The following DLG2 variants were observed in gnomAD, a reference collection of about 807,000 sequenced individuals.
The protein encoded by DLG2 is disks large homolog 2.
DLG2 carries 45 observed loss-of-function variants against 132.5 expected under a neutral mutation model. That is an observed-to-expected ratio of 0.34 (90% CI 0.27 to 0.44). The LOEUF (loss-of-function observed/expected upper bound fraction) is 0.44, where lower values mean the gene tolerates loss of function less well. DLG2 is among the 20% of genes least tolerant of loss of function. The pLI, the probability that DLG2 is intolerant of heterozygous loss-of-function variation, is 1.00. For synonymous variants in DLG2, 424 were observed against 419.6 expected (o/e 1.01, Z -0.13); for missense variants, 1,045 against 1,196.9 (o/e 0.87, Z 1.87).
chr11:84,983,688 G>A (rs1390791921), intron 6 of DLG2, among the ~76,000 whole-genome samples: 2 of 152,172 alleles, frequency 1.3e-5, no homozygotes, highest in African/African-American at 4.8e-5. Flanking sequence ...TAGTTATTAA[G>A]CTAATCAGGG....
intron 19 of DLG2, among the ~76,000 whole-genome samples, chr11:83,586,471 G>T (rs1004980000): frequency 6.6e-6 from 1 of 152,190 alleles, no homozygotes; most frequent in Non-Finnish European, 1.5e-5. Flanking sequence ...CCCACTTAAT[G>T]AGGCTGTTGT....
chr11:84,138,537 A>G lies in DLG2; in HGVS notation c.624+24924T>C, dbSNP rs149718741. Among the ~76,000 whole-genome samples, 582 of 152,352 alleles carry G rather than the reference A, an allele frequency of 3.8e-3. 6 individuals are homozygous for G. The highest frequency in any genetic ancestry group is 0.038 in the East Asian group (198 of 5,184). ...AATATGCTTGAAGAGAAGGGGATTA[A>G]CTAACACTGACACAAGTTTAATTTT... On this transcript the variant is annotated intron_variant, in intron 9 of 27. Coordinates refer to ENST00000376104, the MANE Select transcript of DLG2 (RefSeq NM_001142699.3).
chr11:84,826,639 C>T (rs955687709), intron 6 of DLG2, among the ~76,000 whole-genome samples: 3 of 151,730 alleles, frequency 2.0e-5, no homozygotes, highest in Non-Finnish European at 4.4e-5. Flanking sequence ...ATTTTGGGGC[C>T]CTGGTAGAGT....
chr11:85,066,347 T>C (rs1342098659), intron 6 of DLG2, among the ~76,000 whole-genome samples: 1 of 151,660 alleles, frequency 6.6e-6, no homozygotes, highest in African/African-American at 2.4e-5. Context: ...GAGGGATTCA[T>C]AGCTGAATTT....
intron 7 of DLG2, among the ~76,000 whole-genome samples, chr11:84,377,855 C>T (rs1182033358): frequency 6.6e-6 from 1 of 152,106 alleles, no homozygotes; most frequent in Non-Finnish European, 1.5e-5. Flanking sequence ...ATACTGAAGC[C>T]ACCAGCTTCA....
intron 17 of DLG2, among the ~76,000 whole-genome samples, chr11:83,818,245 G>T (rs1419079647): frequency 6.6e-6 from 1 of 152,168 alleles, no homozygotes; most frequent in African/African-American, 2.4e-5. Flanking sequence ...CTGGGCTGTT[G>T]ATAATTCTTG....
chr11:84,248,029 T>C (rs1341243750), intron 8 of DLG2, among the ~76,000 whole-genome samples: 1 of 152,148 alleles, frequency 6.6e-6, no homozygotes, highest in Non-Finnish European at 1.5e-5. Context: ...GCTGAAATTA[T>C]GTGAACAACT....
intron 6 of DLG2, among the ~76,000 whole-genome samples, chr11:84,730,267 A>C (rs554508244): frequency 9.2e-5 from 14 of 152,194 alleles, no homozygotes; most frequent in Middle Eastern, 3.4e-3. Flanking sequence ...GTACAAAAAA[A>C]GGGGAGGAGG....
intron 3 of DLG2, among the ~76,000 whole-genome samples, chr11:85,297,012 T>C (rs1383634976): frequency 6.6e-6 from 1 of 151,308 alleles, no homozygotes; most frequent in Non-Finnish European, 1.5e-5. Flanking sequence ...TATAATCATT[T>C]CCATTATATT....
intron 6 of DLG2, among the ~76,000 whole-genome samples, chr11:84,703,208 A>G (rs1337690164): frequency 6.6e-6 from 1 of 151,660 alleles, no homozygotes; most frequent in South Asian, 2.1e-4. Context: ...TAATTGAGTC[A>G]TCCTTCTTTC....
At chr11:84,930,148 T>C (rs976564552) in intron 6 of DLG2, among the ~76,000 whole-genome samples, 1 of 152,128 alleles carries the variant, frequency 6.6e-6, no homozygotes, top group African/African-American at 2.4e-5. Flanking sequence ...AATGGTTGGA[T>C]CAGAGGCTAT....
In DLG2 at chr11:83,627,601, T is replaced by A. The variant is rs185910170; in HGVS notation, c.1940+5610A>T. On this transcript the variant is annotated intron_variant, in intron 19 of 27. Transcript: ENST00000376104. ...GTGTATATGTGCCACCTTTTCTTAA[T>A]CCAGTCTATTGTTGGTGGACATTTG... Among the ~76,000 whole-genome samples, 586 of 152,344 alleles carry A rather than the reference T, an allele frequency of 3.8e-3. 5 individuals are homozygous for A. Among genetic ancestry groups the A allele is most frequent in the Non-Finnish European group, 5.8e-3 (397 of 68,032 alleles).
intron 4 of DLG2, among the ~76,000 whole-genome samples, chr11:85,247,203 A>G (rs549535736): frequency 9.3e-4 from 141 of 152,244 alleles, no homozygotes; most frequent in African/African-American, 3.2e-3. Context: ...TATCAGTAAC[A>G]TCAGAAAACT....
chr11:85,598,668 T>C lies in DLG2; in HGVS notation c.29A>G (p.Gln10Arg). 1.9e-6 allele frequency: 3 copies of C among 1,575,030 alleles called. No individual in the cohort carries two copies. Among genetic ancestry groups the C allele is most frequent in the Non-Finnish European group, 2.6e-6 (3 of 1,162,924 alleles). The change falls in exon 3 of 28, where the codon CAA becomes CGA. Residue 10 changes from glutamine (Q) to arginine (R), a missense_variant. By Grantham distance (43) the Gln-to-Arg change is conservative. Transcript: ENST00000376104. Reference protein sequence around the residue: MGIFKSSLFQALLDIQEFYE... With the variant: MGIFKSSLFRALLDIQEFYE... ...TTCATAATACATACCTAGCAAAGCT[T>C]GGAATAAGCTGCTCTTAAAGATACC...
intron 6 of DLG2, among the ~76,000 whole-genome samples, chr11:85,049,698 G>A (rs1203801281): frequency 6.6e-6 from 1 of 152,050 alleles, no homozygotes; most frequent in African/African-American, 2.4e-5. Flanking sequence ...AAACCGGGAC[G>A]TAAGTGAATA....
chr11:84,872,103 A>G (rs2085558225), intron 6 of DLG2, among the ~76,000 whole-genome samples: 1 of 152,216 alleles, frequency 6.6e-6, no homozygotes, highest in Non-Finnish European at 1.5e-5. Flanking sequence ...TCGTGAATAC[A>G]TGGCTATGAA....
At chr11:84,488,622 T>C (rs1360780456) in intron 7 of DLG2, among the ~76,000 whole-genome samples, 1 of 152,108 alleles carries the variant, frequency 6.6e-6, no homozygotes, top group East Asian at 1.9e-4. Flanking sequence ...CAGCTTACTC[T>C]GCTTCCCCAT....
chr11:84,398,482 C>G (rs779501171), intron 7 of DLG2, among the ~76,000 whole-genome samples: 4 of 152,178 alleles, frequency 2.6e-5, no homozygotes, highest in Non-Finnish European at 5.9e-5. Context: ...CACTTGTACC[C>G]TGAAAACTGG....
At chr11:85,318,715 A>C (rs984405511) in intron 3 of DLG2, among the ~76,000 whole-genome samples, 2 of 151,864 alleles carry the variant, frequency 1.3e-5, no homozygotes, top group African/African-American at 4.8e-5. Context: ...CATTACTCAG[A>C]AGGTAAGGAA....
Sources: gnomAD v4.1 joint callset for allele counts (sites outside exome capture counted in the v4.1 genomes callset) on GRCh38, gnomAD v4.1.1 for gene constraint, MANE v1.5 for transcripts, NCBI Gene and HGNC (gene_info 2026-07-23, HGNC 2026-07-21) for gene names.